The following EPB41L4A variants were observed in gnomAD, a reference collection of about 807,000 sequenced individuals.
EPB41L4A encodes the protein erythrocyte membrane protein band 4.1 like 4A.
A neutral mutation model predicts 108.6 loss-of-function variants in EPB41L4A; 100 were observed. The observed-to-expected ratio is 0.92, with a 90% confidence interval of 0.78 to 1.09. The LOEUF is 1.09. EPB41L4A is among the 50% of genes least tolerant of loss of function. The probability of loss-of-function intolerance (pLI) is 0.00; values close to 1 mark genes in which losing one functional copy is unlikely to be tolerated. For missense variants in EPB41L4A, 1,030 were observed against 842.7 expected, an observed-to-expected ratio of 1.22 and a Z score of -2.75; for synonymous variants, 319 against 289.0, an observed-to-expected ratio of 1.10 and a Z score of -1.05.
intron 1 of EPB41L4A, among the ~76,000 whole-genome samples, chr5:112,364,221 T>A (rs1044444811): frequency 6.6e-6 from 1 of 152,178 alleles, no homozygotes; most frequent in East Asian, 1.9e-4. Flanking sequence ...AGATGGGATT[T>A]CACCATGTTG....
At chr5:112,335,618 C>A (rs1756868227) in intron 1 of EPB41L4A, among the ~76,000 whole-genome samples, 1 of 152,182 alleles carries the variant, frequency 6.6e-6, no homozygotes, top group Non-Finnish European at 1.5e-5. Context: ...CTCTCCACCT[C>A]CACAGTCATT....
chr5:112,185,495 T>A (rs1761383108), intron 17 of EPB41L4A, among the ~76,000 whole-genome samples: 2 of 152,204 alleles, frequency 1.3e-5, no homozygotes, highest in Admixed American at 1.3e-4. Flanking sequence ...GAAGAAACTG[T>A]TTAAATCTCT....
chr5:112,234,993 T>G (rs554393991), intron 11 of EPB41L4A, among the ~76,000 whole-genome samples: 1 of 152,116 alleles, frequency 6.6e-6, no homozygotes, highest in South Asian at 2.1e-4. Context: ...AAAGAATTTA[T>G]TAAAGGAGGA....
chr5:112,349,374 A>G (rs1037193015), intron 1 of EPB41L4A, among the ~76,000 whole-genome samples: 13 of 152,144 alleles, frequency 8.5e-5, no homozygotes, highest in Admixed American at 2.6e-4. Context: ...CACTGAGACA[A>G]GGGCAAGAAT....
chr5:112,198,971 T>C (rs1762093409), intron 15 of EPB41L4A, among the ~76,000 whole-genome samples: 1 of 152,092 alleles, frequency 6.6e-6, no homozygotes, highest in East Asian at 1.9e-4. Flanking sequence ...ACAGAAGCAA[T>C]GCTCAAATGC....
At chr5:112,284,599 T>A (rs1753164943) in intron 2 of EPB41L4A, among the ~76,000 whole-genome samples, 1 of 152,152 alleles carries the variant, frequency 6.6e-6, no homozygotes, top group African/African-American at 2.4e-5. Context: ...CTGGATGAGA[T>A]CCCATTTTGT....
chr5:112,293,379 T>G (rs1453753617), intron 2 of EPB41L4A, among the ~76,000 whole-genome samples: 2 of 106,318 alleles, frequency 1.9e-5, no homozygotes, highest in Non-Finnish European at 1.9e-5. Flanking sequence ...TAATTTAGTT[T>G]AATTTAGTTT....
At chr5:112,274,394 A>G (rs2150488110) in intron 4 of EPB41L4A, among the ~76,000 whole-genome samples, 1 of 152,310 alleles carries the variant, frequency 6.6e-6, no homozygotes, top group Admixed American at 6.5e-5. Flanking sequence ...CAAAGTAAAA[A>G]TGAGGCCTAA....
intron 12 of EPB41L4A, among the ~76,000 whole-genome samples, chr5:112,147,792 C>T (rs1371080900): frequency 1.3e-5 from 2 of 151,940 alleles, no homozygotes; most frequent in Admixed American, 1.3e-4. Flanking sequence ...TAAAAACAGG[C>T]CTAGCGCGGT....
At chr5:112,179,429 A>C (rs1761035955) in intron 18 of EPB41L4A, among the ~76,000 whole-genome samples, 1 of 152,180 alleles carries the variant, frequency 6.6e-6, no homozygotes, top group African/African-American at 2.4e-5. Flanking sequence ...AAAAAATCTT[A>C]ACAAGGTAAT....
chr5:112,232,856 G>T (rs549346288), intron 12 of EPB41L4A, among the ~76,000 whole-genome samples: 1 of 152,202 alleles, frequency 6.6e-6, no homozygotes, highest in South Asian at 2.1e-4. Flanking sequence ...CACCTCACAG[G>T]GTGAGGCTCA....
At chr5:112,234,826 A>C in intron 11 of EPB41L4A, 71 bp from the exon 12 acceptor site, 1 of 1,506,052 alleles carries the variant, frequency 6.6e-7, no homozygotes, top group South Asian at 1.3e-5. Context: ...CAGGTCATTC[A>C]GAACATCTGC....
At chr5:112,324,176 A>G (rs529777226) in intron 1 of EPB41L4A, among the ~76,000 whole-genome samples, 14 of 152,330 alleles carry the variant, frequency 9.2e-5, no homozygotes, top group Non-Finnish European at 1.3e-4. Flanking sequence ...TTTAAGGAGA[A>G]GAGACATACA....
intron 12 of EPB41L4A, among the ~76,000 whole-genome samples, chr5:112,213,589 T>C (rs1454352479): frequency 6.6e-6 from 1 of 152,094 alleles, no homozygotes; most frequent in Non-Finnish European, 1.5e-5. Context: ...CCTCAGGTTA[T>C]CTGCCCGCAT....
intron 12 of EPB41L4A, among the ~76,000 whole-genome samples, chr5:112,215,959 G>A (rs901436705): frequency 6.6e-6 from 1 of 152,026 alleles, no homozygotes; most frequent in African/African-American, 2.4e-5. Context: ...AATTCCCTGT[G>A]GTTTATACAG....
At chr5:112,345,783 ACACACAC>A (rs1757617800) in intron 1 of EPB41L4A, among the ~76,000 whole-genome samples, 1 of 2,968 alleles carries the variant, frequency 3.4e-4, no homozygotes, top group South Asian at 8.3e-3. Flanking sequence ...ATATATATAC[ACACACAC>A]ACACACACAC....
rs963504823 is a variant in EPB41L4A, at chr5:112,239,566, A to T, written c.965+94T>A. ...ACATTGGCAATGCAAGAAAAAAGAAAAAAATAAATAAATAACTTCACTGAG... is the reference window on the plus strand; with the variant it reads ...ACATTGGCAATGCAAGAAAAAAGAATAAAATAAATAAATAACTTCACTGAG... On this transcript the variant is annotated intron_variant, in intron 11 of 22. Coordinates refer to ENST00000261486, the MANE Select transcript of EPB41L4A (RefSeq NM_022140.5). 4 of 752,910 alleles carry T rather than the reference A, an allele frequency of 5.3e-6. No homozygotes were observed. In the Admixed American group the frequency reaches 1.6e-4, roughly 29 times the overall value. 46.6% of individuals were successfully genotyped at this position (752,910 alleles called of 1,614,324 possible).
chr5:112,215,434 G>T (rs1747551838), intron 12 of EPB41L4A, among the ~76,000 whole-genome samples: 1 of 152,132 alleles, frequency 6.6e-6, no homozygotes, highest in African/African-American at 2.4e-5. Context: ...TTAATCAAGA[G>T]TGTCCAATTC....
chr5:112,186,831 A>C (rs1761453911), intron 17 of EPB41L4A, among the ~76,000 whole-genome samples: 1 of 152,236 alleles, frequency 6.6e-6, no homozygotes, highest in Admixed American at 6.5e-5. Context: ...TGCTACTTGG[A>C]AAGAAAAAAA....
Sources: allele counts gnomAD v4.1 joint callset (sites outside exome capture counted in the v4.1 genomes callset), GRCh38; gene constraint gnomAD v4.1.1; transcripts MANE v1.5; gene names NCBI Gene and HGNC (gene_info 2026-07-23, HGNC 2026-07-21).